SORCS2: variants seen among roughly 807,000 people sequenced by gnomAD.
The protein encoded by SORCS2 is sortilin related VPS10 domain containing receptor 2.
SORCS2 carries 100 observed loss-of-function variants against 141.6 expected under a neutral mutation model. The observed-to-expected ratio is 0.71, with a 90% CI of 0.60 to 0.83. SORCS2 has a LOEUF of 0.83. Ranked by LOEUF, SORCS2 falls within the 40% of genes least tolerant of loss-of-function variation. The pLI is 0.00. For synonymous variants in SORCS2, 789 were observed against 676.9 expected (o/e 1.17, Z -2.57); for missense variants, 1,646 against 1,560.2 (o/e 1.05, Z -0.93).
chr4:7,438,790 A>G (rs763719766), intron 2 of SORCS2, among the ~76,000 whole-genome samples: 1 of 150,536 alleles, frequency 6.6e-6, no homozygotes, highest in Non-Finnish European at 1.5e-5. Context: ...GGTTCTCACT[A>G]CCCCTCCCTC....
intron 3 of SORCS2, among the ~76,000 whole-genome samples, chr4:7,620,328 C>A (rs375524698): frequency 2.6e-5 from 4 of 152,318 alleles, no homozygotes; most frequent in African/African-American, 9.6e-5. Context: ...TGTGTGGCTG[C>A]GAGTGTCCGG....
intron 2 of SORCS2, among the ~76,000 whole-genome samples, chr4:7,513,017 G>A (rs919542889): frequency 3.9e-5 from 6 of 152,160 alleles, no homozygotes; most frequent in African/African-American, 1.4e-4. Context: ...GAATACAGGA[G>A]GTGCTCAAAG....
At chr4:7,618,989 A>G (rs749370328) in intron 3 of SORCS2, among the ~76,000 whole-genome samples, 6 of 152,024 alleles carry the variant, frequency 3.9e-5, no homozygotes, top group Admixed American at 6.6e-5. Context: ...GAAATTTCTA[A>G]CCGGCAAATG....
chr4:7,430,898 T>G (rs1726801048), intron 2 of SORCS2: 2 of 151,814 alleles, frequency 1.3e-5, no homozygotes, highest in Non-Finnish European at 2.9e-5. Context: ...ATGGTGGTGC[T>G]GCCGTCAGCA....
chr4:7,394,512 A>G (rs1348493202), intron 1 of SORCS2, among the ~76,000 whole-genome samples: 2 of 135,092 alleles, frequency 1.5e-5, no homozygotes, highest in Non-Finnish European at 3.1e-5. Flanking sequence ...CACCGAGGAA[A>G]TAGGGCTGGG....
chr4:7,394,837 A>G (rs1302372534), intron 1 of SORCS2, among the ~76,000 whole-genome samples: 1 of 152,086 alleles, frequency 6.6e-6, no homozygotes, highest in Non-Finnish European at 1.5e-5. Flanking sequence ...CACTGCTCCA[A>G]GATCAGATTG....
chr4:7,734,702 C>A (rs990377064), intron 25 of SORCS2, among the ~76,000 whole-genome samples: 1 of 152,220 alleles, frequency 6.6e-6, no homozygotes, highest in African/African-American at 2.4e-5. Context: ...GATGAGGAAA[C>A]CAGGCTCAGA....
rs189488630 is a variant in SORCS2, at chr4:7,341,262, C to T, written c.481-55026C>T. ...TTCTGCTCACGCTGCTCTGTTCCAG[C>T]CCCTGGGCCTTTGCACATGCTGTTC... is the stretch of plus-strand genomic sequence containing the variant. On this transcript the variant is annotated intron_variant, in intron 1 of 26. Coordinates refer to ENST00000507866, the MANE Select transcript of SORCS2 (RefSeq NM_020777.3). Among the ~76,000 whole-genome samples, 6 of 152,330 alleles carry T rather than the reference C, an allele frequency of 3.9e-5. No individual in the cohort carries two copies. The East Asian group carries it at 9.6e-4, about 24-fold the overall frequency.
At chr4:7,309,178 G>A (rs559438674) in intron 1 of SORCS2, among the ~76,000 whole-genome samples, 6 of 152,290 alleles carry the variant, frequency 3.9e-5, no homozygotes, top group East Asian at 3.9e-4. Context: ...GGCACCTCCC[G>A]TGCTGCAGGT....
At chr4:7,433,043 T>G in intron 2 of SORCS2, 1 of 301,832 alleles carries the variant, frequency 3.3e-6, no homozygotes, top group Non-Finnish European at 6.1e-6. Context: ...CATCTCAGCC[T>G]TGGAGATGAG....
chr4:7,363,224 T>TACCATCATCACCACCATCACCATCATC (rs1402306182), intron 1 of SORCS2, among the ~76,000 whole-genome samples: 1 of 148,266 alleles, frequency 6.7e-6, no homozygotes, highest in African/African-American at 2.5e-5. Context: ...CCACCATTAC[T>TACCATCATCACCACCATCACCATCATC]ACCATCATCA....
At chr4:7,702,537 C>T (rs912379722) in intron 12 of SORCS2, among the ~76,000 whole-genome samples, 3 of 152,196 alleles carry the variant, frequency 2.0e-5, no homozygotes, top group Non-Finnish European at 4.4e-5. Flanking sequence ...CGAGGCCACC[C>T]TCAGTGTCCC....
intron 1 of SORCS2, among the ~76,000 whole-genome samples, chr4:7,232,663 C>T (rs1425389372): frequency 2.0e-5 from 3 of 152,228 alleles, no homozygotes; most frequent in Non-Finnish European, 4.4e-5. Context: ...CCCGCGCCAG[C>T]TGTGCCATTT....
At chr4:7,698,592 T>G (rs761405451) in intron 12 of SORCS2, among the ~76,000 whole-genome samples, 3 of 152,274 alleles carry the variant, frequency 2.0e-5, no homozygotes, top group Non-Finnish European at 2.9e-5. Context: ...GTTCTGATTT[T>G]ATAGAAACGG....
chr4:7,457,589 G>C (rs984400902), intron 2 of SORCS2, among the ~76,000 whole-genome samples: 1 of 151,526 alleles, frequency 6.6e-6, no homozygotes, highest in African/African-American at 2.4e-5. Flanking sequence ...AGAGGGCCTG[G>C]TTCACACCAG....
chr4:7,533,211 G>A (rs998832540), intron 3 of SORCS2, among the ~76,000 whole-genome samples: 2 of 152,194 alleles, frequency 1.3e-5, no homozygotes, highest in African/African-American at 4.8e-5. Context: ...AGCTGAGGGT[G>A]GAGGGTGTTG....
At chr4:7,632,091 C>A (rs1719932202) in intron 3 of SORCS2, among the ~76,000 whole-genome samples, 1 of 152,208 alleles carries the variant, frequency 6.6e-6, no homozygotes, top group South Asian at 2.1e-4. Flanking sequence ...GATAATCACA[C>A]CTACCTAGCA....
In SORCS2 at chr4:7,708,464, C is replaced by T. The variant is rs546451014; in HGVS notation, c.1868+4180C>T. 3.3e-5 allele frequency among the ~76,000 whole-genome samples: 5 copies of T among 152,274 alleles called. No individual in the cohort carries two copies. The South Asian group carries it at 1.0e-3, about 32-fold the overall frequency. Reference sequence around the variant, plus strand: ...CATCCAGTACCCGCCACGGGTGGGTCCCGCTGGCCGGCCGACCTTTGATCC... The same window carrying T: ...CATCCAGTACCCGCCACGGGTGGGTTCCGCTGGCCGGCCGACCTTTGATCC... On this transcript the variant is annotated intron_variant, in intron 14 of 26. Coordinates refer to ENST00000507866, the MANE Select transcript of SORCS2 (RefSeq NM_020777.3).
At chr4:7,199,983 G>C (rs1190617607) in intron 1 of SORCS2, among the ~76,000 whole-genome samples, 2 of 152,002 alleles carry the variant, frequency 1.3e-5, no homozygotes, top group African/African-American at 4.8e-5. Context: ...CTTTGGGCTG[G>C]AAGTCCACCC....
Sources: allele counts gnomAD v4.1 joint callset (sites outside exome capture counted in the v4.1 genomes callset), GRCh38; gene constraint gnomAD v4.1.1; transcripts MANE v1.5; gene names NCBI Gene and HGNC (gene_info 2026-07-23, HGNC 2026-07-21).